Variants in RBFOX2 observed in about 807,000 individuals in gnomAD.
The protein encoded by RBFOX2 is RNA binding fox-1 homolog 2.
A neutral mutation model predicts 49.1 loss-of-function variants in RBFOX2; 10 were observed. That is an observed-to-expected ratio of 0.20 (90% confidence interval 0.13 to 0.35). The LOEUF (loss-of-function observed/expected upper bound fraction) is 0.35, where lower values mean the gene tolerates loss of function less well. Ranked by LOEUF, RBFOX2 falls within the 10% of genes least tolerant of loss-of-function variation. RBFOX2 has a pLI of 1.00. For synonymous variants in RBFOX2, 183 were observed against 187.4 expected, an observed-to-expected ratio of 0.98 and a Z score of 0.19; for missense variants, 323 against 486.9, an observed-to-expected ratio of 0.66 and a Z score of 3.17.
At chr22:35,860,269 A>G (rs2042961708) in intron 1 of RBFOX2, among the ~76,000 whole-genome samples, 1 of 152,138 alleles carries the variant, frequency 6.6e-6, no homozygotes, top group African/African-American at 2.4e-5. Context: ...TGGAACCCCG[A>G]CACTACTGTG....
intron 1 of RBFOX2, among the ~76,000 whole-genome samples, chr22:35,975,286 TGGTA>T (rs1245986118): frequency 6.6e-6 from 1 of 152,194 alleles, no homozygotes; most frequent in African/African-American, 2.4e-5. Context: ...TAATTAGCAC[TGGTA>T]AAAGGAAAGG....
chr22:35,944,481 G>C (rs2054052719), intron 1 of RBFOX2, among the ~76,000 whole-genome samples: 1 of 152,122 alleles, frequency 6.6e-6, no homozygotes, highest in African/African-American at 2.4e-5. Flanking sequence ...GAGAAAAAAG[G>C]TACTATTTTT....
rs1316030356 is a variant in RBFOX2 at position 35,862,275 on chromosome 22, G to GCACC, written c.-33-52272_-33-52271insGGTG. On this transcript the variant is annotated intron_variant, in intron 1 of 13. Coordinates refer to the RBFOX2 transcript ENST00000359369. ...TAATTTTATATAGGTGCAGTTCATT[G>GCACC]TATATCAATTATACCTCCATCGAGT... is the stretch of plus-strand genomic sequence containing the variant. Among the ~76,000 whole-genome samples, 5 of 150,760 alleles carry GCACC rather than the reference G, an allele frequency of 3.3e-5. No individual in the cohort carries two copies. The East Asian group carries it at 9.9e-4, about 30-fold the overall frequency.
chr22:35,980,313 T>C (rs1432602514), intron 1 of RBFOX2, among the ~76,000 whole-genome samples: 1 of 152,156 alleles, frequency 6.6e-6, no homozygotes, highest in East Asian at 1.9e-4. Context: ...TTCCTTCCCT[T>C]AGGTTTTCAT....
At chr22:35,809,930 C>G in exon 2 of RBFOX2, 1 of 1,613,918 alleles carries the variant, frequency 6.2e-7, no homozygotes, top group Non-Finnish European at 8.5e-7. Context: ...TTCCATTCTG[C>G]GGAGGTGGTG....
rs1266265660 is a variant in RBFOX2 at position 35,759,431 on chromosome 22, G to A, written c.887+457C>T. ...AACTAGCTCTGCTGCTCACCACCCA[G>A]GCAGTGAAACCAAAGGGGAGGACAC... On this transcript the variant is annotated intron_variant, in intron 9 of 11. Transcript: ENST00000405409. The surrounding 1 kb of genome is among the most constrained non-coding windows in gnomAD (Gnocchi z 4.6). Among the ~76,000 whole-genome samples the A allele has an allele frequency of 1.3e-5, 2 of 152,180 alleles. No homozygotes were observed. The highest frequency in any genetic ancestry group is 2.9e-5 in the Non-Finnish European group (2 of 68,028).
intron 1 of RBFOX2, among the ~76,000 whole-genome samples, chr22:35,850,190 T>TACACA (rs1556051457): frequency 3.2e-4 from 11 of 34,452 alleles, no homozygotes; most frequent in Non-Finnish European, 4.0e-4. Context: ...TGTCTCTCTC[T>TACACA]CATACACACA....
chr22:35,903,017 T>C (rs1277499041), intron 1 of RBFOX2, among the ~76,000 whole-genome samples: 1 of 152,162 alleles, frequency 6.6e-6, no homozygotes, highest in Non-Finnish European at 1.5e-5. Context: ...TTCTTACCAC[T>C]AAATCTAATG....
chr22:35,944,654 G>C (rs528625882), intron 1 of RBFOX2, among the ~76,000 whole-genome samples: 1 of 152,256 alleles, frequency 6.6e-6, no homozygotes, highest in South Asian at 2.1e-4. Flanking sequence ...AGTTGCCCGA[G>C]AAGCTTAAGA....
intron 6 of RBFOX2, among the ~76,000 whole-genome samples, chr22:35,761,760 T>G (rs1938969237): frequency 6.6e-6 from 1 of 151,972 alleles, no homozygotes; most frequent in South Asian, 2.1e-4. Context: ...AATCCTAGAG[T>G]TTGGTAAAGT....
At position 35,759,474 on chromosome 22, in the gene RBFOX2, C is replaced by T. The variant is rs1014757002; in HGVS notation, c.887+414G>A. ...GAGGACACATGTGACAGCCTCTGCC[C>T]CAACACGGGGTGGTGATAAGGAGGT... On this transcript the variant is annotated intron_variant, in intron 9 of 11. Transcript: ENST00000405409. The surrounding 1 kb of genome is among the most constrained non-coding windows in gnomAD (Gnocchi z 4.6). Among the ~76,000 whole-genome samples the T allele has an allele frequency of 7.9e-5, 12 of 152,190 alleles. No individual in the cohort carries two copies. The highest frequency in any genetic ancestry group is 2.9e-4 in the African/African-American group (12 of 41,438).
intron 1 of RBFOX2, chr22:35,994,440 G>C (rs2058106567): frequency 6.6e-6 from 1 of 150,786 alleles, no homozygotes; most frequent in Non-Finnish European, 1.5e-5. Flanking sequence ...GGGTCTCACT[G>C]TGTCACTCAG....
intron 1 of RBFOX2, among the ~76,000 whole-genome samples, chr22:35,837,985 T>C (rs1013093782): frequency 1.3e-5 from 2 of 152,166 alleles, no homozygotes; most frequent in African/African-American, 4.8e-5. Flanking sequence ...TAAGGGGAAA[T>C]GTTCCAAGAG....
chr22:36,010,879 A>G (rs186365312), intron 1 of RBFOX2, among the ~76,000 whole-genome samples: 13 of 152,228 alleles, frequency 8.5e-5, no homozygotes, highest in Non-Finnish European at 1.6e-4. Flanking sequence ...CATTCACTCA[A>G]TCCTGGGGCT....
chr22:35,798,485 T>C (rs1015576492), intron 2 of RBFOX2, among the ~76,000 whole-genome samples: 3 of 152,262 alleles, frequency 2.0e-5, no homozygotes, highest in South Asian at 4.1e-4. Context: ...ATTAGTTGTG[T>C]GATCTTGGAC....
chr22:35,888,698 A>C (rs2046896666), intron 1 of RBFOX2, among the ~76,000 whole-genome samples: 1 of 152,206 alleles, frequency 6.6e-6, no homozygotes, highest in African/African-American at 2.4e-5. Context: ...TTCTGCCCTC[A>C]TCATTCCACC....
At chr22:35,860,859 G>A (rs2043021075) in intron 1 of RBFOX2, among the ~76,000 whole-genome samples, 1 of 152,158 alleles carries the variant, frequency 6.6e-6, no homozygotes, top group Non-Finnish European at 1.5e-5. Flanking sequence ...CAAATAAAGG[G>A]TTTTTAAAGA....
intron 3 of RBFOX2, among the ~76,000 whole-genome samples, chr22:35,780,877 A>G (rs904810271): frequency 1.3e-5 from 2 of 152,202 alleles, no homozygotes; most frequent in Non-Finnish European, 2.9e-5. Flanking sequence ...TATTCTCTAC[A>G]TTGTGAATCT....
intron 1 of RBFOX2, among the ~76,000 whole-genome samples, chr22:36,005,088 C>T (rs1439273155): frequency 6.6e-6 from 1 of 152,144 alleles, no homozygotes; most frequent in Non-Finnish European, 1.5e-5. Flanking sequence ...GAAGAAAACG[C>T]ATCCTGGCTT....
Sources: gnomAD v4.1 joint callset for allele counts (sites outside exome capture counted in the v4.1 genomes callset) on GRCh38, gnomAD v4.1.1 for gene constraint, Gnocchi (gnomAD v3.1) non-coding constraint, MANE v1.5 for transcripts, NCBI Gene and HGNC (gene_info 2026-07-23, HGNC 2026-07-21) for gene names.